PLPBP: variants seen among roughly 807,000 people sequenced by gnomAD.
PLPBP encodes the protein pyridoxal phosphate homeostasis protein.
PLPBP carries 21 observed loss-of-function variants against 31.2 expected under a neutral mutation model. The observed-to-expected ratio is 0.67, with a 90% CI of 0.48 to 0.97. The LOEUF is 0.97. PLPBP is among the 50% of genes least tolerant of loss of function. The probability of loss-of-function intolerance (pLI) is 0.00; values close to 1 mark genes in which losing one functional copy is unlikely to be tolerated. For missense variants in PLPBP, 308 were observed against 354.4 expected (o/e 0.87, Z 1.05); for synonymous variants, 124 against 135.6 (o/e 0.91, Z 0.59).
chr8:37,767,046 CAAAAAAAAAAA>C (rs377103424), intron 4 of PLPBP, among the ~76,000 whole-genome samples: 3 of 57,166 alleles, frequency 5.2e-5, no homozygotes, highest in South Asian at 1.9e-3. Context: ...GACTTCATCC[CAAAAAAAAAAA>C]AAAAAAAAAA....
chr8:37,764,954 T>C (rs897854415), intron 1 of PLPBP, among the ~76,000 whole-genome samples: 2 of 152,170 alleles, frequency 1.3e-5, no homozygotes, highest in Non-Finnish European at 2.9e-5. Flanking sequence ...GCAGATCACC[T>C]GAGGTCGGGA....
chr8:37,765,666 A>C (rs750361013), intron 2 of PLPBP, 33 bp downstream of exon 2: 58 of 1,614,136 alleles, frequency 3.6e-5, no homozygotes, highest in Non-Finnish European at 4.7e-5. Context: ...CTTTGGAAGC[A>C]TCATGATTGC....
At chr8:37,765,879 T>A in intron 3 of PLPBP, 133 bp downstream of exon 3, 1 of 941,314 alleles carries the variant, frequency 1.1e-6, no homozygotes, top group South Asian at 1.6e-5. Context: ...GGGATAGAAA[T>A]GTCAGCTTCC....
intron 7 of PLPBP, among the ~76,000 whole-genome samples, chr8:37,776,503 A>AC (rs1803917890): frequency 1.3e-5 from 2 of 149,966 alleles, no homozygotes; most frequent in Non-Finnish European, 3.0e-5. Flanking sequence ...AAAAAAAAAA[A>AC]CAAAAGAAAG....
chr8:37,763,340 C>T lies in PLPBP; in HGVS notation c.99+582C>T, dbSNP rs566661621. The stretch of plus-strand genomic sequence containing the variant: ...CTTTTGTGTATATATATATTACATC[C>T]TCTTGGACTTTGATTAGACCAAGAA... On this transcript the variant is annotated intron_variant, in intron 1 of 7. Transcript: ENST00000328195. 1.8e-4 allele frequency among the ~76,000 whole-genome samples: 27 copies of T among 152,296 alleles called. 1 individual carries two copies. In the South Asian group the frequency reaches 5.0e-3, roughly 28 times the overall value.
chr8:37,764,316 G>T (rs1006219742), intron 1 of PLPBP, among the ~76,000 whole-genome samples: 1 of 151,356 alleles, frequency 6.6e-6, no homozygotes, highest in East Asian at 1.9e-4. Flanking sequence ...ATGTTGGCCA[G>T]ACTGTTGTTT....
intron 4 of PLPBP, among the ~76,000 whole-genome samples, chr8:37,769,631 C>T (rs1803721370): frequency 6.6e-6 from 1 of 152,034 alleles, no homozygotes; most frequent in Non-Finnish European, 1.5e-5. Flanking sequence ...AATCACTAAT[C>T]AGATTTGTAA....
At chr8:37,772,078 A>G (rs1803784705) in intron 4 of PLPBP, among the ~76,000 whole-genome samples, 1 of 152,268 alleles carries the variant, frequency 6.6e-6, no homozygotes. Flanking sequence ...ACCAAGTTCT[A>G]TATCCAAGCT....
At chr8:37,762,626 C>G (rs530968989), upstream of PLPBP, 35 of 1,548,326 alleles carry the variant, frequency 2.3e-5, no homozygotes, top group African/African-American at 4.2e-4. Flanking sequence ...CACGGGCTGC[C>G]GGGGGCCTGG....
chr8:37,776,057 G>A lies in PLPBP; in HGVS notation c.696+41G>A, dbSNP rs555091950. 1.9e-5 allele frequency: 30 copies of A among 1,562,640 alleles called. 1 individual carries two copies. The South Asian group carries it at 3.2e-4, about 17-fold the overall frequency. ...GTGCCCTGTCTGCCTCGAGGGGTGGGGGTAGGGGGTCTGAGAGGCTGACAC... is the reference window on the plus strand; with the variant it reads ...GTGCCCTGTCTGCCTCGAGGGGTGGAGGTAGGGGGTCTGAGAGGCTGACAC... On this transcript the variant is annotated intron_variant, in intron 7 of 7. Transcript: ENST00000328195.
intron 3 of PLPBP, among the ~76,000 whole-genome samples, 157 bp downstream of exon 3, chr8:37,765,903 A>G (rs184590768): frequency 1.3e-5 from 2 of 152,314 alleles, no homozygotes; most frequent in African/African-American, 4.8e-5. Context: ...TTGAGCCCCA[A>G]GTAATTCTCA....
At chr8:37,775,774 A>T in intron 6 of PLPBP, 144 bp from the exon 7 acceptor site, 1 of 931,420 alleles carries the variant, frequency 1.1e-6, no homozygotes, top group South Asian at 1.6e-5. Flanking sequence ...TTTGCAAAAA[A>T]CCCTTTCAGT....
At chr8:37,772,614 G>C in intron 4 of PLPBP, 141 bp from the exon 5 acceptor site, 1 of 975,654 alleles carries the variant, frequency 1.0e-6, no homozygotes. Flanking sequence ...TGTCACATTT[G>C]TCTTCTCAGA....
At chr8:37,775,282 C>T in intron 5 of PLPBP, 57 bp from the exon 6 acceptor site, 1 of 1,596,304 alleles carries the variant, frequency 6.3e-7, no homozygotes, top group Non-Finnish European at 8.6e-7. Context: ...GAAAATGGAG[C>T]CTTCCTCTGG....
At chr8:37,768,764 C>T (rs964092863) in intron 4 of PLPBP, among the ~76,000 whole-genome samples, 7 of 152,060 alleles carry the variant, frequency 4.6e-5, no homozygotes, top group Admixed American at 6.6e-5. Flanking sequence ...TGAGCCACCA[C>T]GCCCGGCGGT....
In PLPBP at chr8:37,774,166, G is replaced by A. The variant is rs189177287; in HGVS notation, c.455-1173G>A. 5.6e-3 allele frequency among the ~76,000 whole-genome samples: 853 copies of A among 152,124 alleles called. 11 individuals are homozygous for A. The highest frequency in any genetic ancestry group is 0.019 in the African/African-American group (789 of 41,478). On this transcript the variant is annotated intron_variant, in intron 5 of 7. Transcript: ENST00000328195. The stretch of plus-strand genomic sequence containing the variant: ...GTGAATATTGCAGTGATCCGAGATC[G>A]CGCCACTGCACTCCAGCCTGGGCGA...
intron 6 of PLPBP, 36 bp from the exon 7 acceptor site, chr8:37,775,882 G>C (rs1803890068): frequency 6.4e-7 from 1 of 1,550,654 alleles, no homozygotes; most frequent in East Asian, 2.3e-5. Context: ...CGTTAGAGAA[G>C]GCAGGAGTAA....
chr8:37,775,791 T>G, intron 6 of PLPBP, 127 bp from the exon 7 acceptor site: 1 of 1,030,524 alleles, frequency 9.7e-7, no homozygotes, highest in Admixed American at 2.1e-5. Context: ...CAGTAACGTC[T>G]GGCAATTTTG....
At chr8:37,762,900 A>G in intron 1 of PLPBP, 142 bp downstream of exon 1, 1 of 1,094,932 alleles carries the variant, frequency 9.1e-7, no homozygotes, top group Non-Finnish European at 1.3e-6. Flanking sequence ...CCGAAAGGCT[A>G]GCGAAGGGTT....
Sources: allele counts gnomAD v4.1 joint callset (sites outside exome capture counted in the v4.1 genomes callset), GRCh38; gene constraint gnomAD v4.1.1; transcripts MANE v1.5; gene names NCBI Gene and HGNC (gene_info 2026-07-23, HGNC 2026-07-21).